DZIP3: variants seen among roughly 807,000 people sequenced by gnomAD.
DZIP3 encodes E3 ubiquitin-protein ligase DZIP3.
A neutral mutation model predicts 162.0 loss-of-function variants in DZIP3; 118 were observed. The observed-to-expected ratio is 0.73, with a 90% CI of 0.63 to 0.85. DZIP3 has a LOEUF of 0.85. Ranked by LOEUF, DZIP3 falls within the 40% of genes least tolerant of loss-of-function variation. The probability of loss-of-function intolerance (pLI) is 0.00; values close to 1 mark genes in which losing one functional copy is unlikely to be tolerated. For missense variants in DZIP3, 1,331 were observed against 1,407.0 expected (o/e 0.95, Z 0.86); for synonymous variants, 438 against 458.6 (o/e 0.96, Z 0.57).
Position 108,631,055 on chromosome 3 carries a change from A to ACACACACACACTCTCTCT in DZIP3, c.696+1880_696+1881insACACACACACTCTCTCTC. ...CACACACACACACACACACACACAC[A>ACACACACACACTCTCTCT]CTCTCTCTCTCTCTCTCTCTCTCTC... On this transcript the variant is annotated intron_variant, in intron 8 of 32. Coordinates refer to ENST00000361582, the MANE Select transcript of DZIP3 (RefSeq NM_014648.4). Among the ~76,000 whole-genome samples, 67 of 18,014 alleles carry ACACACACACACTCTCTCT rather than the reference A, an allele frequency of 3.7e-3. 3 individuals are homozygous for ACACACACACACTCTCTCT. Among genetic ancestry groups the ACACACACACACTCTCTCT allele is most frequent in the Admixed American group, 5.1e-3 (6 of 1,182 alleles). The allele number at this position is 18,014 out of a possible 152,430, so 11.8% of individuals were successfully genotyped here.
At chr3:108,672,936 A>G (rs1559776404) in intron 23 of DZIP3, among the ~76,000 whole-genome samples, 1 of 151,896 alleles carries the variant, frequency 6.6e-6, no homozygotes, top group East Asian at 1.9e-4. Flanking sequence ...ATCTTGGGGA[A>G]ATTCTCATGA....
intron 8 of DZIP3, among the ~76,000 whole-genome samples, chr3:108,632,654 G>A (rs4855567): frequency 0.014 from 2,112 of 152,038 alleles, 52 homozygotes; most frequent in African/African-American, 0.049. Context: ...TATGCCAGGT[G>A]TTATGCTATG....
intron 9 of DZIP3, among the ~76,000 whole-genome samples, 170 bp downstream of exon 9, chr3:108,633,242 A>G (rs1008480287): frequency 1.3e-4 from 20 of 152,014 alleles, no homozygotes; most frequent in African/African-American, 4.6e-4. Flanking sequence ...ACTTAGATTC[A>G]GAGTGATCAG....
intron 8 of DZIP3, among the ~76,000 whole-genome samples, chr3:108,631,055 A>ACACACACACGCACACATACACTCT: frequency 5.6e-5 from 1 of 18,006 alleles, no homozygotes; most frequent in East Asian, 2.5e-3. Flanking sequence ...ACACACACAC[A>ACACACACACGCACACATACACTCT]CTCTCTCTCT....
chr3:108,629,874 G>C (rs1197640263), intron 8 of DZIP3, among the ~76,000 whole-genome samples: 3 of 151,254 alleles, frequency 2.0e-5, no homozygotes, highest in African/African-American at 7.3e-5. Context: ...ATGCGATTTT[G>C]GCATAATAAT....
At chr3:108,690,709 T>C in intron 31 of DZIP3, 78 bp from the exon 32 acceptor site, 1 of 1,304,100 alleles carries the variant, frequency 7.7e-7, no homozygotes, top group Non-Finnish European at 1.1e-6. Flanking sequence ...TGTTGGTTGG[T>C]AACCCTGATG....
chr3:108,616,211 C>T (rs1212052028), intron 4 of DZIP3, among the ~76,000 whole-genome samples: 1 of 151,824 alleles, frequency 6.6e-6, no homozygotes, highest in Non-Finnish European at 1.5e-5. Flanking sequence ...TTGCAGTGAG[C>T]TGAGATTGCG....
chr3:108,672,025 T>A (rs1273803600), intron 22 of DZIP3, among the ~76,000 whole-genome samples: 2 of 152,076 alleles, frequency 1.3e-5, no homozygotes, highest in Admixed American at 1.3e-4. Context: ...CTATTTGGTA[T>A]CTGGTGAGGA....
In DZIP3 at chr3:108,688,463, C is replaced by T. The variant is rs988713485; in HGVS notation, c.3271-130C>T. On this transcript the variant is annotated intron_variant, in intron 29 of 32. Coordinates refer to ENST00000361582, the MANE Select transcript of DZIP3 (RefSeq NM_014648.4). ...ATATAAGTATTGCCACCATTTTGTT[C>T]AAGATTTCTCACAAATCTGATTATT... 6 of 1,068,700 alleles carry T rather than the reference C, an allele frequency of 5.6e-6. No homozygotes were observed. The African/African-American group carries it at 8.0e-5, about 14-fold the overall frequency. The allele number at this position is 1,068,700 out of a possible 1,614,324, so 66.2% of individuals were successfully genotyped here.
chr3:108,634,082 T>C (rs895866670), intron 9 of DZIP3, among the ~76,000 whole-genome samples: 1 of 151,938 alleles, frequency 6.6e-6, no homozygotes, highest in African/African-American at 2.4e-5. Flanking sequence ...ATAACTGATA[T>C]CTTAATTGCG....
chr3:108,627,327 T>C (rs1178218532), intron 7 of DZIP3, among the ~76,000 whole-genome samples: 1 of 152,206 alleles, frequency 6.6e-6, no homozygotes, highest in Non-Finnish European at 1.5e-5. Context: ...ATTACTTTCA[T>C]CCCTGGCCTA....
intron 18 of DZIP3, among the ~76,000 whole-genome samples, chr3:108,652,053 G>A (rs910059711): frequency 1.3e-5 from 2 of 151,664 alleles, no homozygotes; most frequent in African/African-American, 4.8e-5. Flanking sequence ...GTTTTGTTTT[G>A]TTTTGTTTTT....
chr3:108,638,221 A>G (rs753594112), intron 12 of DZIP3, among the ~76,000 whole-genome samples: 2 of 152,196 alleles, frequency 1.3e-5, no homozygotes, highest in Non-Finnish European at 2.9e-5. Context: ...TATTTTTCAA[A>G]AATATTTATA....
At chr3:108,642,630 C>T in intron 13 of DZIP3, 116 bp downstream of exon 13, 1 of 1,180,686 alleles carries the variant, frequency 8.5e-7, no homozygotes. Flanking sequence ...ATTCACTGAG[C>T]TTGGGTTTAT....
At chr3:108,646,490 G>T in intron 14 of DZIP3, 127 bp from the exon 15 acceptor site, 1 of 700,052 alleles carries the variant, frequency 1.4e-6, no homozygotes, top group Non-Finnish European at 2.5e-6. Flanking sequence ...GAGCAAAGCT[G>T]GTTATTTTTC....
intron 5 of DZIP3, among the ~76,000 whole-genome samples, chr3:108,617,771 A>G (rs542681733): frequency 6.6e-6 from 1 of 152,122 alleles, no homozygotes; most frequent in Non-Finnish European, 1.5e-5. Flanking sequence ...TGTAATCCTG[A>G]GAACTTGGGG....
chr3:108,646,144 T>G (rs973460765), intron 14 of DZIP3, among the ~76,000 whole-genome samples: 1 of 152,204 alleles, frequency 6.6e-6, no homozygotes, highest in Admixed American at 6.5e-5. Flanking sequence ...AGATTGTCTT[T>G]TTTTTTCTTC....
intron 2 of DZIP3, among the ~76,000 whole-genome samples, chr3:108,607,352 A>G (rs1234495187): frequency 6.6e-6 from 1 of 152,206 alleles, no homozygotes; most frequent in African/African-American, 2.4e-5. Context: ...TATAAAGTAC[A>G]ATTCTGAATA....
At position 108,636,676 on chromosome 3, in the gene DZIP3, C is replaced by T; in HGVS notation, c.979C>T (p.Gln327Ter). 6.3e-7 allele frequency: 1 copy of T among 1,584,696 alleles called. No individual in the cohort carries two copies. The highest frequency in any genetic ancestry group is 8.5e-7 in the Non-Finnish European group (1 of 1,170,844). Reference sequence around the variant, plus strand: ...TACAGGTGACATGGTAAGGATGCTGCAATGTGATGTACCTGGAATTGTTAA... The same window carrying T: ...TACAGGTGACATGGTAAGGATGCTGTAATGTGATGTACCTGGAATTGTTAA... ...GCTGDMVRMLQCDVPGIVKIL... is the reference protein window; with the variant it reads ...GCTGDMVRML The change falls in exon 11 of 33, where the codon CAA becomes TAA. Residue 327 changes from glutamine (Q) to a stop codon, truncating the protein, a stop_gained. Transcript: ENST00000361582. LOFTEE classifies it high-confidence loss of function.
Sources: allele counts gnomAD v4.1 joint callset (sites outside exome capture counted in the v4.1 genomes callset), GRCh38; gene constraint gnomAD v4.1.1; transcripts MANE v1.5; gene names NCBI Gene and HGNC (gene_info 2026-07-23, HGNC 2026-07-21).